Variants in ATP2C1 observed in about 807,000 individuals in gnomAD.
ATP2C1 encodes the protein calcium-transporting ATPase type 2C member 1.
Under a neutral mutation model 120.5 loss-of-function variants are expected in ATP2C1, and 31 were observed. That is an observed-to-expected ratio of 0.26 (90% confidence interval 0.19 to 0.35). ATP2C1 has a LOEUF of 0.35. Ranked by LOEUF, ATP2C1 falls within the 10% of genes least tolerant of loss-of-function variation. The pLI is 1.00. For synonymous variants in ATP2C1, 351 were observed against 358.7 expected, an observed-to-expected ratio of 0.98 and a Z score of 0.24; for missense variants, 731 against 1,107.5, an observed-to-expected ratio of 0.66 and a Z score of 4.83.
At chr3:130,902,168 A>C (rs899922901) in intron 2 of ATP2C1, among the ~76,000 whole-genome samples, 8 of 151,974 alleles carry the variant, frequency 5.3e-5, no homozygotes, top group African/African-American at 1.9e-4. Context: ...CAGGGTGTGT[A>C]CAAGTGCCTG....
chr3:131,013,391 G>C (rs982393304), intron 26 of ATP2C1, among the ~76,000 whole-genome samples: 2 of 152,314 alleles, frequency 1.3e-5, no homozygotes, highest in Non-Finnish European at 2.9e-5. Context: ...AAAATCTGTA[G>C]TATAAAGAGG....
At chr3:130,870,831 G>C (rs2068405101) in intron 1 of ATP2C1, among the ~76,000 whole-genome samples, 1 of 152,194 alleles carries the variant, frequency 6.6e-6, no homozygotes, top group South Asian at 2.1e-4. Flanking sequence ...CTCCAATTTT[G>C]AAAGAGGTTC....
rs763626504 is a variant in ATP2C1 at position 130,999,618 on chromosome 3, C to T, written c.2588C>T (p.Pro863Leu). The change falls in exon 27 of 28, where the codon CCG becomes CTG. Residue 863 changes from proline (P) to leucine (L), a missense_variant. Pro to Leu is a moderately conservative substitution (Grantham distance 98). Transcript: ENST00000510168. ...CAATTACTAGTTATTTACTTTCCTC[C>T]GCTTCAGAAGGTTTTTCAGACTGAG... Reference protein sequence around the residue: ...MGQLLVIYFPPLQKVFQTESL... With the variant: ...MGQLLVIYFPLLQKVFQTESL... 1.4e-5 allele frequency: 22 copies of T among 1,613,254 alleles called. No individual in the cohort carries two copies. The highest frequency in any genetic ancestry group is 2.7e-5 in the African/African-American group (2 of 74,882).
At chr3:130,959,477 G>T (rs902953920) in intron 12 of ATP2C1, 136 bp downstream of exon 12, 16 of 574,024 alleles carry the variant, frequency 2.8e-5, no homozygotes, top group African/African-American at 2.7e-4. Context: ...AAATAGTTCA[G>T]AAGTCATATA....
At chr3:130,921,427 T>G (rs1332029099) in intron 2 of ATP2C1, among the ~76,000 whole-genome samples, 1 of 152,188 alleles carries the variant, frequency 6.6e-6, no homozygotes, top group Non-Finnish European at 1.5e-5. Context: ...GGATGTATTT[T>G]TTTTATTTTA....
At chr3:130,969,101 T>C (rs562294777) in intron 16 of ATP2C1, among the ~76,000 whole-genome samples, 191 bp from the exon 17 acceptor site, 12 of 152,344 alleles carry the variant, frequency 7.9e-5, no homozygotes, top group African/African-American at 2.4e-4. Flanking sequence ...TCTACATACC[T>C]GGGCTTTCAT....
intron 2 of ATP2C1, among the ~76,000 whole-genome samples, chr3:130,897,756 G>C (rs1473601086): frequency 1.3e-5 from 2 of 152,130 alleles, no homozygotes; most frequent in Non-Finnish European, 2.9e-5. Context: ...AGCAAAGCTT[G>C]ACCAATTTTT....
intron 1 of ATP2C1, among the ~76,000 whole-genome samples, chr3:130,888,341 T>A (rs1480534086): frequency 6.6e-6 from 1 of 152,140 alleles, no homozygotes; most frequent in African/African-American, 2.4e-5. Context: ...TCTCCCCAGG[T>A]CATGTACCAC....
intron 17 of ATP2C1, among the ~76,000 whole-genome samples, chr3:130,973,419 C>G (rs1033608507): frequency 1.3e-5 from 2 of 152,164 alleles, no homozygotes; most frequent in Admixed American, 6.6e-5. Context: ...TAGTCTGCCA[C>G]TTAGCCCAGC....
At chr3:130,891,893 C>T (rs1186282376), upstream of ATP2C1, among the ~76,000 whole-genome samples, 2 of 152,108 alleles carry the variant, frequency 1.3e-5, no homozygotes, top group South Asian at 4.2e-4. Flanking sequence ...GTTCCAGAAC[C>T]CCCTCAGACA....
At chr3:130,984,917 CAGAA>C (rs71133623) in intron 20 of ATP2C1, among the ~76,000 whole-genome samples, 25,089 of 152,038 alleles carry the variant, frequency 0.17, 2,192 homozygotes, top group Middle Eastern at 0.23. Context: ...TATTATATGA[CAGAA>C]AGATATAACA....
chr3:130,896,294 A>C (rs1457042441), intron 2 of ATP2C1, among the ~76,000 whole-genome samples: 1 of 152,010 alleles, frequency 6.6e-6, no homozygotes, highest in Non-Finnish European at 1.5e-5. Flanking sequence ...CTGAGGTGGG[A>C]GGGGGTGGTT....
intron 17 of ATP2C1, among the ~76,000 whole-genome samples, chr3:130,969,666 C>T (rs1324642710): frequency 6.6e-6 from 1 of 152,200 alleles, no homozygotes; most frequent in Non-Finnish European, 1.5e-5. Context: ...TCTCCTGAAG[C>T]TTGTGACATC....
intron 18 of ATP2C1, among the ~76,000 whole-genome samples, chr3:130,977,959 G>A (rs762441876): frequency 2.6e-5 from 4 of 152,132 alleles, no homozygotes; most frequent in Non-Finnish European, 5.9e-5. Context: ...CATGAAAAAA[G>A]TTTACCTATC....
intron 2 of ATP2C1, among the ~76,000 whole-genome samples, chr3:130,900,595 G>GT (rs1263076846): frequency 2.0e-5 from 3 of 151,928 alleles, no homozygotes; most frequent in African/African-American, 4.8e-5. Context: ...ATGTAAATGT[G>GT]TTTTTTTGAA....
At chr3:131,011,574 A>G (rs762653837) in intron 26 of ATP2C1, among the ~76,000 whole-genome samples, 1 of 152,216 alleles carries the variant, frequency 6.6e-6, no homozygotes, top group Non-Finnish European at 1.5e-5. Context: ...TTCCTAATGT[A>G]TATCTGATCT....
At chr3:130,892,475 C>T (rs2069210094), upstream of ATP2C1, among the ~76,000 whole-genome samples, 1 of 150,886 alleles carries the variant, frequency 6.6e-6, no homozygotes, top group African/African-American at 2.4e-5. Flanking sequence ...GACTAGAAAT[C>T]TACTTGATAT....
chr3:130,930,204 C>T (rs1028133708), intron 2 of ATP2C1: 8 of 555,080 alleles, frequency 1.4e-5, no homozygotes, highest in South Asian at 7.1e-5. Context: ...AGCTGGGCAC[C>T]GATGGCTTAG....
At position 130,926,059 on chromosome 3, in the gene ATP2C1, C is replaced by G. The variant is rs760592349; in HGVS notation, c.7-4357C>G. On this transcript the variant is annotated intron_variant, in intron 2 of 27. Coordinates refer to ENST00000510168, the MANE Select transcript of ATP2C1 (RefSeq NM_001378687.1). ...TTTGCCCCAGACCACAAGCCTCCCC[C>G]TTGAGAAAGCAAATGGACTCATAGT... 1.2e-4 allele frequency among the ~76,000 whole-genome samples: 19 copies of G among 152,164 alleles called. 2 individuals carry two copies. Among genetic ancestry groups the G allele is most frequent in the South Asian group, 4.1e-4 (2 of 4,832 alleles).
Sources: allele counts gnomAD v4.1 joint callset (sites outside exome capture counted in the v4.1 genomes callset), GRCh38; gene constraint gnomAD v4.1.1; transcripts MANE v1.5; gene names NCBI Gene and HGNC (gene_info 2026-07-23, HGNC 2026-07-21).